The following KCNMA1 variants were observed in gnomAD, a reference collection of about 807,000 sequenced individuals.
The protein encoded by KCNMA1 is Calcium-activated potassium channel subunit alpha-1.
Under a neutral mutation model 140.0 loss-of-function variants are expected in KCNMA1, and 29 were observed. The ratio of observed to expected loss-of-function variants is 0.21; its 90% confidence interval spans 0.15 to 0.28. The LOEUF (loss-of-function observed/expected upper bound fraction) is 0.28. Among genes scored for constraint, KCNMA1 ranks in the 10% least tolerant of loss-of-function variants. The probability of loss-of-function intolerance (pLI) is 1.00; values close to 1 mark genes in which losing one functional copy is unlikely to be tolerated. For synonymous variants in KCNMA1, 612 were observed against 611.9 expected (o/e 1.00, Z 0.00); for missense variants, 880 against 1,602.2 (o/e 0.55, Z 7.70).
chr10:77,022,638 T>G (rs368208022), intron 16 of KCNMA1, among the ~76,000 whole-genome samples: 12 of 152,372 alleles, frequency 7.9e-5, no homozygotes, highest in African/African-American at 2.9e-4. Context: ...CCTTTGAGTT[T>G]CCTGGAGTAG....
chr10:77,415,538 T>C (rs994101814), intron 1 of KCNMA1, among the ~76,000 whole-genome samples: 3 of 152,226 alleles, frequency 2.0e-5, no homozygotes, highest in African/African-American at 7.2e-5. Context: ...AAAAATTACA[T>C]TTGTTTCTCA....
chr10:77,381,775 T>C (rs560796947), intron 2 of KCNMA1, among the ~76,000 whole-genome samples: 1 of 152,346 alleles, frequency 6.6e-6, no homozygotes, highest in South Asian at 2.1e-4. Flanking sequence ...GTTTTAAATC[T>C]GAGCCCTTCT....
chr10:76,984,903 AAAT>A (rs2080787300), intron 19 of KCNMA1, among the ~76,000 whole-genome samples: 1 of 152,182 alleles, frequency 6.6e-6, no homozygotes, highest in Non-Finnish European at 1.5e-5. Context: ...TATTTTAGAG[AAAT>A]AAAGGAGACA....
At chr10:77,275,361 C>T (rs988501052) in intron 2 of KCNMA1, among the ~76,000 whole-genome samples, 1 of 152,128 alleles carries the variant, frequency 6.6e-6, no homozygotes, top group Non-Finnish European at 1.5e-5. Flanking sequence ...GCCAAAAGAA[C>T]AGAACACCAA....
At chr10:77,346,275 C>T (rs2092120186) in intron 2 of KCNMA1, among the ~76,000 whole-genome samples, 1 of 152,196 alleles carries the variant, frequency 6.6e-6, no homozygotes, top group Admixed American at 6.5e-5. Context: ...ATTTCAACTG[C>T]TCAGCACATC....
chr10:77,287,461 C>T (rs1346814265), intron 2 of KCNMA1, among the ~76,000 whole-genome samples: 2 of 152,178 alleles, frequency 1.3e-5, no homozygotes, highest in Non-Finnish European at 2.9e-5. Flanking sequence ...CTGTCTAGTC[C>T]AGAAGCTTGC....
At chr10:77,088,450 T>A (rs963914293) in intron 10 of KCNMA1, among the ~76,000 whole-genome samples, 1 of 151,804 alleles carries the variant, frequency 6.6e-6, no homozygotes, top group Non-Finnish European at 1.5e-5. Flanking sequence ...TTTGTTTTGT[T>A]TTGTTTTGTT....
chr10:77,577,257 C>T (rs2074467167), intron 1 of KCNMA1, among the ~76,000 whole-genome samples: 1 of 152,056 alleles, frequency 6.6e-6, no homozygotes, highest in African/African-American at 2.4e-5. Context: ...ACCATCTTGG[C>T]CAGGCTGGTC....
intron 2 of KCNMA1, among the ~76,000 whole-genome samples, chr10:77,277,920 C>A (rs1358297071): frequency 6.6e-6 from 1 of 152,178 alleles, no homozygotes; most frequent in Non-Finnish European, 1.5e-5. Context: ...AAAAAGAATG[C>A]TAGAGATGTT....
At chr10:77,392,683 G>A (rs1428203795) in intron 2 of KCNMA1, among the ~76,000 whole-genome samples, 1 of 152,228 alleles carries the variant, frequency 6.6e-6, no homozygotes, top group Admixed American at 6.5e-5. Context: ...ATAGCTCAGA[G>A]GAGCTGCCTC....
intron 1 of KCNMA1, among the ~76,000 whole-genome samples, chr10:77,606,487 G>A (rs938383555): frequency 4.6e-5 from 7 of 152,174 alleles, no homozygotes; most frequent in African/African-American, 1.4e-4. Context: ...GTGCGCACCT[G>A]TAGTCCTAGC....
At chr10:77,110,108 G>T in intron 8 of KCNMA1, 65 bp downstream of exon 8, 1 of 1,371,232 alleles carries the variant, frequency 7.3e-7, no homozygotes, top group Non-Finnish European at 1.0e-6. Flanking sequence ...AAGCTTTAAG[G>T]AAATGTATCA....
In KCNMA1 at chr10:76,885,149, C is replaced by A. The variant is rs886047258; in HGVS notation, c.*2117G>T. 5 of 1,366,074 alleles carry A rather than the reference C, an allele frequency of 3.7e-6. No individual in the cohort carries two copies. Among genetic ancestry groups the A allele is most frequent in the East Asian group, 2.9e-5 (1 of 34,092 alleles). The allele number at this position is 1,366,074 out of a possible 1,614,324, so 84.6% of individuals were successfully genotyped here. On this transcript the variant is annotated 3_prime_UTR_variant, in exon 28 of 28. Transcript: ENST00000286628. ...GGGCGTAACTTTATAACCTCCTTTG[C>A]AAAGAATGCATGAAGAGCTCTTCAT...
chr10:76,941,018 G>GAAGGAAGGAAGGAAGT (rs1554960623), intron 23 of KCNMA1, among the ~76,000 whole-genome samples: 1 of 38,236 alleles, frequency 2.6e-5, no homozygotes, highest in East Asian at 8.4e-4. Flanking sequence ...AGGAAGGAAG[G>GAAGGAAGGAAGGAAGT]AAGAAAGAAA....
intron 15 of KCNMA1, chr10:77,039,319 G>A (rs1049713347): frequency 4.8e-6 from 3 of 620,472 alleles, no homozygotes; most frequent in Non-Finnish European, 8.7e-6. Context: ...TCTCAGGCCT[G>A]TCAAGAAAAG....
At chr10:77,359,769 G>A (rs2093793561) in intron 2 of KCNMA1, among the ~76,000 whole-genome samples, 1 of 152,164 alleles carries the variant, frequency 6.6e-6, no homozygotes, top group African/African-American at 2.4e-5. Context: ...TTGAGCCAGT[G>A]GATCAAGCTT....
intron 1 of KCNMA1, among the ~76,000 whole-genome samples, chr10:77,514,912 T>C (rs1175789687): frequency 1.3e-5 from 2 of 152,152 alleles, no homozygotes; most frequent in African/African-American, 2.4e-5. Flanking sequence ...TTTTTTGTTT[T>C]TTTTCCAGTA....
At chr10:77,556,778 A>C (rs978592363) in intron 1 of KCNMA1, among the ~76,000 whole-genome samples, 1 of 152,126 alleles carries the variant, frequency 6.6e-6, no homozygotes, top group African/African-American at 2.4e-5. Flanking sequence ...TCCGCACACA[A>C]TAGTCATTCC....
Position 77,176,068 on chromosome 10 carries a change from C to T in KCNMA1, c.808+7353G>A, listed in dbSNP as rs569968436. Reference sequence around the variant, plus strand: ...ATCCTGACCCTGCCTGAAGGTGGGGCGGGGCTCTTCAGCCAAGCAGGTGGC... The same window carrying T: ...ATCCTGACCCTGCCTGAAGGTGGGGTGGGGCTCTTCAGCCAAGCAGGTGGC... On this transcript the variant is annotated intron_variant, in intron 5 of 27. Transcript: ENST00000286628. Among the ~76,000 whole-genome samples, 14 of 152,306 alleles carry T rather than the reference C, an allele frequency of 9.2e-5. No individual in the cohort carries two copies. In the East Asian group the frequency reaches 1.4e-3, roughly 15 times the overall value.
Sources: allele counts gnomAD v4.1 joint callset (sites outside exome capture counted in the v4.1 genomes callset), GRCh38; gene constraint gnomAD v4.1.1; transcripts MANE v1.5; gene names NCBI Gene and HGNC (gene_info 2026-07-23, HGNC 2026-07-21).